SDK2: variants seen among roughly 807,000 people sequenced by gnomAD.
The protein encoded by SDK2 is protein sidekick-2.
In SDK2, 105 loss-of-function variants were observed where a neutral mutation model predicts 253.9. The ratio of observed to expected loss-of-function variants is 0.41; its 90% CI spans 0.35 to 0.49. SDK2 has a LOEUF of 0.49. SDK2 is among the 20% of genes least tolerant of loss of function. The pLI, the probability that SDK2 is intolerant of heterozygous loss-of-function variation, is 0.06. For synonymous variants in SDK2, 1,249 were observed against 1,234.9 expected, an observed-to-expected ratio of 1.01 and a Z score of -0.24; for missense variants, 2,608 against 3,003.0, an observed-to-expected ratio of 0.87 and a Z score of 3.07.
intron 18 of SDK2, among the ~76,000 whole-genome samples, chr17:73,411,070 C>T (rs1346339868): frequency 6.6e-6 from 1 of 152,176 alleles, no homozygotes; most frequent in African/African-American, 2.4e-5. Context: ...CTTCCTCTGC[C>T]TCCCCCCAGG....
chr17:73,357,801 G>T (rs970570839), intron 40 of SDK2: 1 of 548,434 alleles, frequency 1.8e-6, no homozygotes, highest in Non-Finnish European at 3.3e-6. Context: ...CACGTGCTCA[G>T]GCTTCCGGCT....
intron 18 of SDK2, among the ~76,000 whole-genome samples, 177 bp from the exon 19 acceptor site, chr17:73,402,318 T>G (rs527766825): frequency 6.6e-6 from 1 of 152,284 alleles, no homozygotes; most frequent in Non-Finnish European, 1.5e-5. Context: ...GGGGTTCACT[T>G]TGGGGCGCTT....
chr17:73,450,864 AG>A (rs547608315), intron 4 of SDK2, among the ~76,000 whole-genome samples: 470 of 152,336 alleles, frequency 3.1e-3, no homozygotes, highest in African/African-American at 9.4e-3. Flanking sequence ...AAGAGTGATC[AG>A]GCCCCAGATG....
At position 73,352,613 on chromosome 17, in the gene SDK2, A is replaced by G. The variant is rs2062549172; in HGVS notation, c.5618T>C (p.Ile1873Thr). The G allele has an allele frequency of 6.2e-7, 1 of 1,613,834 alleles. No individual in the cohort carries two copies. The change falls in exon 41 of 45, where the codon ATC becomes ACC. Residue 1873 changes from isoleucine to threonine, a missense_variant. By Grantham distance (89) the Ile-to-Thr change is moderately conservative (BLOSUM62 -1). This residue lies in a region of SDK2 where 1,103 missense variants were observed against 1,143.9 expected (regional missense o/e 0.96). Coordinates refer to ENST00000392650, the MANE Select transcript of SDK2 (RefSeq NM_001144952.2). The surrounding 1 kb of genome is among the most constrained non-coding windows in gnomAD (Gnocchi z 4.1). ...GCTCACCTCCTTGGGGATGTCTTTG[A>G]TGAGGATGTCCCATAGTCCCTCGTC... is the stretch of plus-strand genomic sequence containing the variant. ...PSDEGLWDIL[I>T]KDIPKEVSSY...
intron 40 of SDK2, chr17:73,357,739 G>A: frequency 2.7e-6 from 1 of 376,022 alleles, no homozygotes. Context: ...TTAGTTATGG[G>A]GCACCCATCA....
At chr17:73,514,197 C>T (rs1263242003) in intron 1 of SDK2, among the ~76,000 whole-genome samples, 4 of 152,048 alleles carry the variant, frequency 2.6e-5, no homozygotes, top group Non-Finnish European at 4.4e-5. Flanking sequence ...TCACGTGGCT[C>T]GGAGGTCCCG....
intron 1 of SDK2, among the ~76,000 whole-genome samples, chr17:73,626,202 T>C (rs532538821): frequency 1.3e-5 from 2 of 152,312 alleles, no homozygotes; most frequent in South Asian, 4.1e-4. Flanking sequence ...GGGCAAGAGA[T>C]GTGCCAGAAT....
rs771481653 is a variant in SDK2, at chr17:73,612,248, C to T, written c.64+31777G>A. ...GCTGCAGGCCGGCCCCCCACGGTCC[C>T]CCACCCTCACGGGGTCCCTGTGACC... On this transcript the variant is annotated intron_variant, in intron 1 of 44. Transcript: ENST00000392650. The surrounding 1 kb of genome is among the most constrained non-coding windows in gnomAD (Gnocchi z 4.4). Among the ~76,000 whole-genome samples the T allele has an allele frequency of 1.3e-5, 2 of 152,148 alleles. No individual in the cohort carries two copies. The highest frequency in any genetic ancestry group is 2.4e-5 in the African/African-American group (1 of 41,432).
Position 73,447,704 on chromosome 17 carries a change from G to A in SDK2, c.524C>T (p.Ala175Val). The A allele has an allele frequency of 6.4e-7, 1 of 1,551,766 alleles. No individual in the cohort carries two copies. Among genetic ancestry groups the A allele is most frequent in the Non-Finnish European group, 8.7e-7 (1 of 1,147,008 alleles). Residue 175 changes from alanine (A) to valine (V), a missense_variant, in exon 5 of 45, where the codon GCC (alanine) becomes GTC (valine). This residue lies in a region of SDK2 where 1,505 missense variants were observed against 1,859.1 expected (regional missense o/e 0.81). Coordinates refer to ENST00000392650, the MANE Select transcript of SDK2 (RefSeq NM_001144952.2). The surrounding 1 kb of genome is among the most constrained non-coding windows in gnomAD (Gnocchi z 4.0). ...ENTLVILSTV[A>V]PDAGRYYVQA... ...CACATAGTAGCGACCTGCGTCAGGG[G>A]CCACCGTTGACAGGATGACAAGGGT...
chr17:73,469,988 G>GCACACACA (rs1405188875), intron 3 of SDK2, among the ~76,000 whole-genome samples: 366 of 112,354 alleles, frequency 3.3e-3, no homozygotes, highest in African/African-American at 0.013. Context: ...GACTGCGCGC[G>GCACACACA]CGCGCACACA....
intron 3 of SDK2, among the ~76,000 whole-genome samples, chr17:73,466,535 G>A (rs138328527): frequency 3.8e-4 from 58 of 152,302 alleles, no homozygotes; most frequent in Admixed American, 1.4e-3. Flanking sequence ...CAGTGGAACT[G>A]CCAGCTGTGG....
chr17:73,426,801 T>G (rs1208499060), intron 12 of SDK2, among the ~76,000 whole-genome samples: 1 of 152,054 alleles, frequency 6.6e-6, no homozygotes, highest in African/African-American at 2.4e-5. Flanking sequence ...AAATAGCCTA[T>G]GGGGGCCGGG....
At chr17:73,622,680 C>A (rs1348457483) in intron 1 of SDK2, among the ~76,000 whole-genome samples, 1 of 152,202 alleles carries the variant, frequency 6.6e-6, no homozygotes, top group Non-Finnish European at 1.5e-5. Flanking sequence ...TGCCTCACCC[C>A]CTCCTCCCAT....
chr17:73,432,355 C>T (rs1157730766), intron 10 of SDK2, among the ~76,000 whole-genome samples: 3 of 152,098 alleles, frequency 2.0e-5, no homozygotes, highest in Non-Finnish European at 2.9e-5. Flanking sequence ...AAGAACCCCC[C>T]ACCCCCGTAA....
At chr17:73,387,488 G>A (rs1365824708) in intron 30 of SDK2, among the ~76,000 whole-genome samples, 2 of 152,172 alleles carry the variant, frequency 1.3e-5, no homozygotes, top group Non-Finnish European at 2.9e-5. Context: ...ATTTCGGAGT[G>A]ACGCTCCACT....
At chr17:73,530,270 G>A (rs1043383549) in intron 1 of SDK2, among the ~76,000 whole-genome samples, 8 of 152,296 alleles carry the variant, frequency 5.3e-5, no homozygotes, top group African/African-American at 9.6e-5. Context: ...TGGGGAGGCC[G>A]AGGGAAACTT....
At chr17:73,620,342 C>T (rs750670239) in intron 1 of SDK2, among the ~76,000 whole-genome samples, 10 of 152,206 alleles carry the variant, frequency 6.6e-5, no homozygotes, top group Admixed American at 4.6e-4. Flanking sequence ...TAACACTTCA[C>T]ACCCACCAGG....
intron 18 of SDK2, 61 bp downstream of exon 18, chr17:73,414,583 C>T (rs922991233): frequency 5.2e-6 from 7 of 1,352,810 alleles, no homozygotes; most frequent in Non-Finnish European, 6.4e-6. Flanking sequence ...TCTGTCCCCT[C>T]TCCCCACCCC....
At chr17:73,370,198 T>C (rs1484021078) in intron 36 of SDK2, among the ~76,000 whole-genome samples, 1 of 152,226 alleles carries the variant, frequency 6.6e-6, no homozygotes, top group Non-Finnish European at 1.5e-5. Context: ...TTAGGACATC[T>C]TGTTACCATG....
Sources: gnomAD v4.1 joint callset for allele counts (sites outside exome capture counted in the v4.1 genomes callset) on GRCh38, gnomAD v4.1.1 for gene constraint, gnomAD v4.1.1 regional missense constraint, Gnocchi (gnomAD v3.1) non-coding constraint, MANE v1.5 for transcripts, NCBI Gene and HGNC (gene_info 2026-07-23, HGNC 2026-07-21) for gene names.